The following TRHDE variants were observed in gnomAD, a reference collection of about 807,000 sequenced individuals.
TRHDE encodes thyrotropin-releasing hormone-degrading ectoenzyme.
Under a neutral mutation model 125.7 loss-of-function variants are expected in TRHDE, and 72 were observed. That is an observed-to-expected ratio of 0.57 (90% CI 0.47 to 0.70). The LOEUF (loss-of-function observed/expected upper bound fraction) is 0.70. Among genes scored for constraint, TRHDE ranks in the 30% least tolerant of loss-of-function variants. TRHDE has a pLI of 0.00. For synonymous variants in TRHDE, 509 were observed against 509.1 expected (o/e 1.00, Z 0.00); for missense variants, 1,110 against 1,327.1 (o/e 0.84, Z 2.54).
At chr12:72,310,168 A>G (rs192178113) in intron 2 of TRHDE, among the ~76,000 whole-genome samples, 10 of 152,318 alleles carry the variant, frequency 6.6e-5, no homozygotes, top group African/African-American at 2.2e-4. Flanking sequence ...GTGATCTTGT[A>G]CAAGTTACAT....
At chr12:72,639,267 G>A (rs79870137) in intron 15 of TRHDE, among the ~76,000 whole-genome samples, 20 of 151,324 alleles carry the variant, frequency 1.3e-4, no homozygotes, top group Non-Finnish European at 2.5e-4. Context: ...ATCTTCCATC[G>A]CTGATACCCT....
intron 2 of TRHDE, among the ~76,000 whole-genome samples, chr12:72,368,263 G>T (rs543421448): frequency 6.6e-6 from 1 of 152,054 alleles, no homozygotes; most frequent in African/African-American, 2.4e-5. Context: ...AACTTAAAAA[G>T]TCTGTAAGGT....
At chr12:72,257,731 T>G (rs1186360694) in intron 2 of TRHDE, 4 of 152,170 alleles carry the variant, frequency 2.6e-5, no homozygotes, top group African/African-American at 9.7e-5. Context: ...AAGTTCCTTC[T>G]CTTTTAATAA....
At chr12:72,558,268 T>C (rs1870015993) in intron 7 of TRHDE, among the ~76,000 whole-genome samples, 1 of 151,818 alleles carries the variant, frequency 6.6e-6, no homozygotes, top group Admixed American at 6.6e-5. Context: ...AGGAAGGAGG[T>C]TGAAGTGGAT....
chr12:72,468,695 AT>A (rs1049640206), intron 3 of TRHDE, among the ~76,000 whole-genome samples: 1 of 152,168 alleles, frequency 6.6e-6, no homozygotes, highest in African/African-American at 2.4e-5. Flanking sequence ...AATCCCTGGC[AT>A]TAAGTAGTCA....
intron 6 of TRHDE, among the ~76,000 whole-genome samples, chr12:72,516,231 G>T (rs1421433653): frequency 6.6e-6 from 1 of 151,504 alleles, no homozygotes; most frequent in Non-Finnish European, 1.5e-5. Context: ...AAATTACCTT[G>T]GGCAGTATGG....
At chr12:72,535,048 C>T (rs1267972655) in intron 6 of TRHDE, among the ~76,000 whole-genome samples, 2 of 151,764 alleles carry the variant, frequency 1.3e-5, no homozygotes, top group Non-Finnish European at 2.9e-5. Flanking sequence ...AGGGGACTAA[C>T]ATAAAAATGA....
intron 7 of TRHDE, among the ~76,000 whole-genome samples, chr12:72,559,924 A>G (rs1026120257): frequency 2.6e-5 from 4 of 152,176 alleles, no homozygotes; most frequent in Non-Finnish European, 5.9e-5. Context: ...GTTCTCAGTA[A>G]CCTTTTCTTC....
intron 2 of TRHDE, among the ~76,000 whole-genome samples, chr12:72,119,363 A>T (rs1051763812): frequency 6.6e-5 from 10 of 151,998 alleles, no homozygotes; most frequent in African/African-American, 2.2e-4. Context: ...TCCTCTTGTT[A>T]TCGATTTCTA....
intron 3 of TRHDE, among the ~76,000 whole-genome samples, chr12:72,430,564 A>G (rs1401651444): frequency 6.6e-6 from 1 of 151,374 alleles, no homozygotes; most frequent in Non-Finnish European, 1.5e-5. Flanking sequence ...CTTGTGAAAA[A>G]ATTAATTTAC....
rs566508169 is a variant in TRHDE, at chr12:72,666,352, C to A, written c.*3157C>A. On this transcript the variant is annotated 3_prime_UTR_variant, in exon 19 of 19. Transcript: ENST00000261180. Reference sequence around the variant, plus strand: ...ATCACTTGAGCCCAGGGGTTTGAGACCAGTCTGGGAAACATATTGAGGCCC... The same window carrying A: ...ATCACTTGAGCCCAGGGGTTTGAGAACAGTCTGGGAAACATATTGAGGCCC... 6.6e-6 allele frequency: 1 copy of A among 152,038 alleles called. No homozygotes were observed. The highest frequency in any genetic ancestry group is 2.4e-5 in the African/African-American group (1 of 41,462). 9.4% of individuals were successfully genotyped at this position (152,038 alleles called of 1,614,324 possible).
chr12:72,354,645 T>C (rs987804963), intron 2 of TRHDE, among the ~76,000 whole-genome samples: 6 of 149,764 alleles, frequency 4.0e-5, no homozygotes, highest in African/African-American at 1.5e-4. Context: ...ATATTTATAA[T>C]AATTTTGTAA....
intron 2 of TRHDE, among the ~76,000 whole-genome samples, chr12:72,314,037 T>C (rs890669498): frequency 2.6e-5 from 4 of 152,196 alleles, no homozygotes; most frequent in Non-Finnish European, 5.9e-5. Flanking sequence ...CCTGCTCTTC[T>C]ATGGATAATA....
intron 2 of TRHDE, among the ~76,000 whole-genome samples, chr12:72,337,373 A>C (rs1426118665): frequency 6.6e-6 from 1 of 152,204 alleles, no homozygotes; most frequent in African/African-American, 2.4e-5. Context: ...GCTTTGCCCC[A>C]GTATATCCCA....
At chr12:72,298,935 T>C (rs551970382) in intron 2 of TRHDE, among the ~76,000 whole-genome samples, 1 of 152,196 alleles carries the variant, frequency 6.6e-6, no homozygotes, top group African/African-American at 2.4e-5. Flanking sequence ...GGCAAGCAAG[T>C]GGAGTTTAGG....
At chr12:72,640,298 A>T (rs1163495531) in intron 15 of TRHDE, among the ~76,000 whole-genome samples, 2 of 152,142 alleles carry the variant, frequency 1.3e-5, no homozygotes, top group South Asian at 2.1e-4. Flanking sequence ...TTTCTTTGAC[A>T]AGGAAAGGGA....
At chr12:72,563,210 G>A (rs1445459788) in intron 9 of TRHDE, among the ~76,000 whole-genome samples, 170 bp downstream of exon 9, 1 of 151,830 alleles carries the variant, frequency 6.6e-6, no homozygotes, top group Non-Finnish European at 1.5e-5. Context: ...CCATTTCCTG[G>A]ATATCTGAAC....
At position 72,111,994 on chromosome 12, in the gene TRHDE, GA is replaced by G. The variant is rs929062930; in HGVS notation, n.279+6250del. 2.7e-5 allele frequency among the ~76,000 whole-genome samples: 4 copies of G among 150,694 alleles called. No homozygotes were observed. The East Asian group carries it at 7.8e-4, about 29-fold the overall frequency. ...TTGGTTGGGGGAAAGGAGGTATAAAGAAAAAAAATTAAGAAAAAAAAAGTTT... is the reference window on the plus strand; with the variant it reads ...TTGGTTGGGGGAAAGGAGGTATAAAGAAAAAAATTAAGAAAAAAAAAGTTT... On this transcript the variant is annotated intron_variant and non_coding_transcript_variant, in intron 2 of 4. Coordinates refer to the TRHDE transcript ENST00000548156.
intron 7 of TRHDE, among the ~76,000 whole-genome samples, chr12:72,543,672 A>G (rs1369640110): frequency 6.6e-6 from 1 of 151,334 alleles, no homozygotes; most frequent in African/African-American, 2.4e-5. Context: ...TCTTCATAGC[A>G]AGTTGATGTG....
Sources: gnomAD v4.1 joint callset for allele counts (sites outside exome capture counted in the v4.1 genomes callset) on GRCh38, gnomAD v4.1.1 for gene constraint, MANE v1.5 for transcripts, NCBI Gene and HGNC (gene_info 2026-07-23, HGNC 2026-07-21) for gene names.